The following UGT1A10 variants were observed in gnomAD, a reference collection of about 807,000 sequenced individuals.
UGT1A10 encodes the protein UDP glucuronosyltransferase family 1 member A10.
A neutral mutation model predicts 45.8 loss-of-function variants in UGT1A10; 49 were observed. The observed-to-expected ratio is 1.07, with a 90% CI of 0.85 to 1.36. UGT1A10 has a LOEUF of 1.36. Ranked by LOEUF, UGT1A10 falls within the 40% of genes most tolerant of loss-of-function variation. UGT1A10 has a pLI of 0.00. For synonymous variants in UGT1A10, 284 were observed against 249.7 expected (o/e 1.14, Z -1.29); for missense variants, 745 against 668.6 (o/e 1.11, Z -1.26).
At chr2:233,641,410 C>T (rs2073448573) in intron 1 of UGT1A10, among the ~76,000 whole-genome samples, 1 of 152,164 alleles carries the variant, frequency 6.6e-6, no homozygotes, top group Non-Finnish European at 1.5e-5. Flanking sequence ...CTTAACTTTG[C>T]TCCCTACTTT....
chr2:233,753,153 C>A (rs1198607979), intron 1 of UGT1A10: 1 of 152,212 alleles, frequency 6.6e-6, no homozygotes, highest in Non-Finnish European at 1.5e-5. Context: ...CATGTAAGTT[C>A]CCTTATCCGG....
At chr2:233,686,730 C>T (rs1405660638) in intron 1 of UGT1A10, among the ~76,000 whole-genome samples, 1 of 152,212 alleles carries the variant, frequency 6.6e-6, no homozygotes, top group Non-Finnish European at 1.5e-5. Flanking sequence ...TGAAGGTCAA[C>T]CTCTTGCCTT....
chr2:233,697,051 T>C (rs2075372037), intron 1 of UGT1A10, among the ~76,000 whole-genome samples: 1 of 152,152 alleles, frequency 6.6e-6, no homozygotes, highest in Non-Finnish European at 1.5e-5. Flanking sequence ...TTTTTTGTTG[T>C]GTCCTTGTCT....
At chr2:233,654,961 G>A (rs1433878617) in intron 1 of UGT1A10, among the ~76,000 whole-genome samples, 1 of 152,040 alleles carries the variant, frequency 6.6e-6, no homozygotes, top group South Asian at 2.1e-4. Context: ...GTGTATGGCG[G>A]GCATCTGTAA....
At chr2:233,747,816 T>A in intron 1 of UGT1A10, 1 of 1,613,472 alleles carries the variant, frequency 6.2e-7, no homozygotes, top group Non-Finnish European at 8.5e-7. Flanking sequence ...AACGACCAAT[T>A]CAGACCACAT....
Position 233,663,931 on chromosome 2 carries a change from C to A in UGT1A10, c.855+26554C>A, listed in dbSNP as rs996154730. Among the ~76,000 whole-genome samples, 4 of 152,276 alleles carry A rather than the reference C, an allele frequency of 2.6e-5. No individual in the cohort carries two copies. In the East Asian group the frequency reaches 7.7e-4, roughly 29 times the overall value. ...ACAAGTAGAATGATATAACTTCCAA[C>A]TTTAAGTCATTTCTTTGTCCTTGCA... is the stretch of plus-strand genomic sequence containing the variant. On this transcript the variant is annotated intron_variant, in intron 1 of 4. Transcript: ENST00000344644.
Position 233,767,942 on chromosome 2 carries a change from T to C in UGT1A10, c.1075+6T>C, listed in dbSNP as rs1198417535. The stretch of plus-strand genomic sequence containing the variant: ...ACCCCAAAACGATCTGCTTGGTATG[T>C]TGGGCGGATTGGATGTATAGGTCAA... On this transcript the variant is annotated splice_donor_region_variant and intron_variant, in intron 3 of 4. Transcript: ENST00000344644. The C allele has an allele frequency of 3.7e-6, 6 of 1,614,092 alleles. No individual in the cohort carries two copies. The East Asian group carries it at 1.1e-4, about 30-fold the overall frequency.
rs756280025 is a variant in UGT1A10, at chr2:233,723,536, T to TAA, written c.856-43497_856-43496dup. 2.4e-4 allele frequency among the ~76,000 whole-genome samples: 29 copies of TAA among 121,476 alleles called. 1 individual carries two copies. Among genetic ancestry groups the TAA allele is most frequent in the South Asian group, 1.3e-3 (4 of 3,196 alleles). The allele number at this position is 121,476 out of a possible 152,430, so 79.7% of individuals were successfully genotyped here. ...ACAATCTTTTTTTTTTTTTTTTTTTTAATTTATTTTTTTATTGATAATTCT... is the reference window on the plus strand; with the variant it reads ...ACAATCTTTTTTTTTTTTTTTTTTTTAAAATTTATTTTTTTATTGATAATTCT... On this transcript the variant is annotated intron_variant, in intron 1 of 4. Transcript: ENST00000344644.
Position 233,760,956 on chromosome 2 carries a change from C to T in UGT1A10, c.856-6078C>T, listed in dbSNP as rs770299996. The T allele has an allele frequency of 1.7e-5, 27 of 1,614,098 alleles. No individual in the cohort carries two copies. Among genetic ancestry groups the T allele is most frequent in the African/African-American group, 2.7e-5 (2 of 74,934 alleles). ...TTGCCTTTTCACAGAACTTTCTGTG[C>T]GACGTGGTTTATTCCCCGTATGCAA... On this transcript the variant is annotated intron_variant, in intron 1 of 4. Coordinates refer to ENST00000344644, the MANE Select transcript of UGT1A10 (RefSeq NM_019075.4).
chr2:233,713,793 C>T (rs2076346799), intron 1 of UGT1A10: 2 of 1,613,928 alleles, frequency 1.2e-6, no homozygotes, highest in African/African-American at 1.3e-5. Context: ...TTACCCCAGG[C>T]CGATCATGCC....
In UGT1A10 at chr2:233,733,060, C is replaced by G. The variant is rs187398935; in HGVS notation, c.856-33974C>G. Among the ~76,000 whole-genome samples the G allele has an allele frequency of 7.2e-5, 11 of 152,200 alleles. No individual in the cohort carries two copies. The East Asian group carries it at 2.1e-3, about 29-fold the overall frequency. ...AAGTTGGATTCCTAGGTATTTTATT[C>G]TCTTTGTAGCAATTGTGAATGGGAG... is the stretch of plus-strand genomic sequence containing the variant. On this transcript the variant is annotated intron_variant, in intron 1 of 4. Transcript: ENST00000344644.
intron 1 of UGT1A10, chr2:233,691,672 T>C (rs927700420): frequency 1.0e-6 from 1 of 973,966 alleles, no homozygotes; most frequent in Non-Finnish European, 1.2e-6. Flanking sequence ...TGGGCCTCAG[T>C]TGAGAAACCT....
chr2:233,653,538 C>T (rs760809619), intron 1 of UGT1A10, among the ~76,000 whole-genome samples: 10 of 152,156 alleles, frequency 6.6e-5, no homozygotes, highest in Non-Finnish European at 1.0e-4. Context: ...AGTCAGAAAC[C>T]TCTATGGGTC....
rs67292694 is a variant in UGT1A10 at position 233,757,535 on chromosome 2, A to AATATATATAT, written c.856-9482_856-9473dup. Among the ~76,000 whole-genome samples the AATATATATAT allele has an allele frequency of 5.8e-3, 509 of 88,260 alleles. 17 individuals are homozygous for AATATATATAT. Among genetic ancestry groups the AATATATATAT allele is most frequent in the African/African-American group, 0.017 (333 of 19,902 alleles). The allele number at this position is 88,260 out of a possible 152,430, so 57.9% of individuals were successfully genotyped here. A position where few individuals can be genotyped will look rare whatever the true frequency, so the allele number is the denominator to read the frequency against. On this transcript the variant is annotated intron_variant, in intron 1 of 4. Coordinates refer to ENST00000344644, the MANE Select transcript of UGT1A10 (RefSeq NM_019075.4). ...CAAAGCCAAAATCTTGCCTGTAAGG[A>AATATATATAT]ATATATATATATATATATATATATA...
chr2:233,746,059 C>T (rs188125843), intron 1 of UGT1A10, among the ~76,000 whole-genome samples: 12 of 151,720 alleles, frequency 7.9e-5, no homozygotes, highest in Admixed American at 2.0e-4. Flanking sequence ...GGGTCTAGAA[C>T]GAAAAGAGAA....
At chr2:233,671,447 G>A (rs1462985951) in intron 1 of UGT1A10, among the ~76,000 whole-genome samples, 4 of 152,170 alleles carry the variant, frequency 2.6e-5, no homozygotes. Flanking sequence ...CCCCAATTTA[G>A]GAGGTTAGGA....
At chr2:233,760,586 T>G in intron 1 of UGT1A10, 1 of 1,614,234 alleles carries the variant, frequency 6.2e-7, no homozygotes, top group Non-Finnish European at 8.5e-7. Flanking sequence ...CATAATGTTT[T>G]TGAGAATGAT....
intron 1 of UGT1A10, among the ~76,000 whole-genome samples, chr2:233,666,592 T>C (rs1559331343): frequency 6.6e-6 from 1 of 152,196 alleles, no homozygotes; most frequent in Non-Finnish European, 1.5e-5. Context: ...TTTACCAGTC[T>C]GTAGATGTTT....
intron 1 of UGT1A10, among the ~76,000 whole-genome samples, chr2:233,731,952 T>C (rs2078222480): frequency 6.6e-6 from 1 of 152,218 alleles, no homozygotes; most frequent in African/African-American, 2.4e-5. Context: ...ATCTGTTGTT[T>C]CCTGACTTTT....
Sources: allele counts gnomAD v4.1 joint callset (sites outside exome capture counted in the v4.1 genomes callset), GRCh38; gene constraint gnomAD v4.1.1; transcripts MANE v1.5; gene names NCBI Gene and HGNC (gene_info 2026-07-23, HGNC 2026-07-21).